RUFY1: variants seen among roughly 807,000 people sequenced by gnomAD.
RUFY1 encodes RUN and FYVE domain containing 1, also known as RUN and FYVE domain-containing protein 1.
Under a neutral mutation model 94.6 loss-of-function variants are expected in RUFY1, and 54 were observed. The observed-to-expected ratio is 0.57, with a 90% CI of 0.46 to 0.72. RUFY1 has a LOEUF of 0.72. RUFY1 is among the 30% of genes least tolerant of loss of function. The pLI is 0.00. For missense variants in RUFY1, 883 were observed against 883.9 expected (o/e 1.00, Z 0.01); for synonymous variants, 396 against 347.3 (o/e 1.14, Z -1.56).
At chr5:179,577,515 G>A (rs970898570) in intron 6 of RUFY1, among the ~76,000 whole-genome samples, 3 of 150,982 alleles carry the variant, frequency 2.0e-5, no homozygotes, top group South Asian at 2.1e-4. Context: ...TGGGGCTAGC[G>A]GAGGGCCGGG....
At chr5:179,580,721 A>C (rs1222010620) in intron 6 of RUFY1, among the ~76,000 whole-genome samples, 1 of 151,958 alleles carries the variant, frequency 6.6e-6, no homozygotes, top group Non-Finnish European at 1.5e-5. Context: ...CTTGGTCTGC[A>C]GGGAGCCCAC....
At chr5:179,583,166 G>A (rs997529287) in intron 7 of RUFY1, among the ~76,000 whole-genome samples, 4 of 151,630 alleles carry the variant, frequency 2.6e-5, no homozygotes, top group Non-Finnish European at 4.4e-5. Flanking sequence ...AACCGGCATG[G>A]TGGCGGGCAT....
intron 5 of RUFY1, among the ~76,000 whole-genome samples, chr5:179,571,215 T>C (rs1392625371): frequency 6.6e-6 from 1 of 152,204 alleles, no homozygotes; most frequent in African/African-American, 2.4e-5. Context: ...ACAATACTAT[T>C]GCTGGGCACA....
At chr5:179,567,108 T>C (rs1357127912) in intron 3 of RUFY1, among the ~76,000 whole-genome samples, 1 of 152,160 alleles carries the variant, frequency 6.6e-6, no homozygotes, top group South Asian at 2.1e-4. Flanking sequence ...CCTAACCCCT[T>C]AGAGATTTTA....
chr5:179,567,452 G>A lies in RUFY1; in HGVS notation c.603-9G>A. The A allele has an allele frequency of 6.2e-7, 1 of 1,606,224 alleles. No individual in the cohort carries two copies. Among genetic ancestry groups the A allele is most frequent in the Non-Finnish European group, 8.5e-7 (1 of 1,173,028 alleles). On this transcript the variant is annotated splice_polypyrimidine_tract_variant and intron_variant, in intron 3 of 17. Coordinates refer to ENST00000319449, the MANE Select transcript of RUFY1 (RefSeq NM_025158.5). ...TGCCACAATAGTTGATTCTCTGTTT[G>A]AATTCTAGGACAGCTGTGGGAAGAG...
chr5:179,586,456 C>T (rs958719037), intron 8 of RUFY1: 7 of 456,322 alleles, frequency 1.5e-5, no homozygotes, highest in Non-Finnish European at 1.3e-5. Context: ...GGTGCTCAGC[C>T]CTTCTGAGGC....
At chr5:179,554,078 C>G (rs1225071875) in intron 1 of RUFY1, among the ~76,000 whole-genome samples, 1 of 152,202 alleles carries the variant, frequency 6.6e-6, no homozygotes, top group Non-Finnish European at 1.5e-5. Flanking sequence ...GACTCATTCT[C>G]TTTCCCCACT....
chr5:179,604,998 AAAAAAG>A (rs1359860819), intron 15 of RUFY1, among the ~76,000 whole-genome samples: 3 of 149,158 alleles, frequency 2.0e-5, no homozygotes, highest in South Asian at 2.1e-4. Context: ...AAAAAAAAGA[AAAAAAG>A]AAAAAGGCTC....
chr5:179,608,750 AC>A, intron 17 of RUFY1: 1 of 447,718 alleles, frequency 2.2e-6, no homozygotes, highest in Non-Finnish European at 2.9e-6. Flanking sequence ...AGATGGTGAA[AC>A]CCCATCATCT....
At chr5:179,555,535 C>G (rs1195984426) in intron 1 of RUFY1, 3 of 307,876 alleles carry the variant, frequency 9.7e-6, no homozygotes, top group Non-Finnish European at 2.0e-5. Context: ...AGCAGCACTT[C>G]CAGAGACAGC....
intron 6 of RUFY1, among the ~76,000 whole-genome samples, chr5:179,579,097 G>A (rs926388815): frequency 3.3e-5 from 5 of 152,072 alleles, no homozygotes; most frequent in African/African-American, 9.7e-5. Flanking sequence ...CCTTGGGATC[G>A]CGTTTGAATA....
chr5:179,603,865 C>G lies in RUFY1; in HGVS notation c.1856+1879C>G, dbSNP rs1206229353. 3 of 152,352 alleles carry G rather than the reference C, an allele frequency of 2.0e-5. No individual in the cohort carries two copies. The East Asian group carries it at 5.8e-4, about 29-fold the overall frequency. The allele number at this position is 152,352 out of a possible 1,614,324, so 9.4% of individuals were successfully genotyped here. On this transcript the variant is annotated intron_variant, in intron 15 of 17. Transcript: ENST00000319449. ...CTGAGGTCAGGAGTTCAAGACCAGC[C>G]TGACCAACGTGGAGAAACCCCATCT...
chr5:179,561,217 A>T (rs374323746), intron 2 of RUFY1, among the ~76,000 whole-genome samples: 18,064 of 107,244 alleles, frequency 0.17, 1,223 homozygotes, highest in South Asian at 0.28. Context: ...TCTCAAAAAT[A>T]AATAAATAAA....
chr5:179,596,484 A>G, intron 12 of RUFY1, 78 bp from the exon 13 acceptor site: 1 of 1,566,408 alleles, frequency 6.4e-7, no homozygotes, highest in Non-Finnish European at 8.8e-7. Flanking sequence ...AATTTTAAAA[A>G]TGAATTTCAG....
intron 5 of RUFY1, among the ~76,000 whole-genome samples, chr5:179,574,402 AT>A (rs1166341772): frequency 1.3e-5 from 2 of 152,226 alleles, no homozygotes; most frequent in African/African-American, 2.4e-5. Context: ...CTCAAAAAAA[AT>A]AAACATAAAA....
chr5:179,579,657 C>CTTTTTCTTTTT (rs1554118792), intron 6 of RUFY1, among the ~76,000 whole-genome samples: 6 of 50,548 alleles, frequency 1.2e-4, no homozygotes, highest in African/African-American at 1.8e-4. Context: ...TTTTCTTCTT[C>CTTTTTCTTTTT]TTTTTTTTTT....
At position 179,598,709 on chromosome 5, in the gene RUFY1, A is replaced by C; in HGVS notation, c.1649A>C (p.Glu550Ala). ...GAAAACAGCTCAAGCCTGGAGAAAG[A>C]ATTGAAATCAGAAAAAGAGCAAAGA... The part of the protein sequence containing the change: ...LHEQCSSLEK[E>A]LKSEKEQRQA... The change falls in exon 14 of 18, where the codon GAA becomes GCA. Residue 550 changes from glutamate (E) to alanine (A), a missense_variant. Transcript: ENST00000319449. 1.2e-6 allele frequency: 2 copies of C among 1,614,180 alleles called. No individual in the cohort carries two copies. The highest frequency in any genetic ancestry group is 1.7e-6 in the Non-Finnish European group (2 of 1,180,038).
intron 17 of RUFY1, among the ~76,000 whole-genome samples, chr5:179,608,888 G>A (rs543475148): frequency 3.4e-5 from 5 of 147,972 alleles, no homozygotes; most frequent in East Asian, 2.0e-4. Context: ...CCGAGATTGC[G>A]CCACTGCACC....
At chr5:179,604,243 T>TC (rs1257219685) in intron 15 of RUFY1, among the ~76,000 whole-genome samples, 4 of 152,244 alleles carry the variant, frequency 2.6e-5, no homozygotes, top group African/African-American at 9.6e-5. Context: ...TTGTGCTCTC[T>TC]CCCCTCTTCC....
Sources: gnomAD v4.1 joint callset for allele counts (sites outside exome capture counted in the v4.1 genomes callset) on GRCh38, gnomAD v4.1.1 for gene constraint, MANE v1.5 for transcripts, NCBI Gene and HGNC (gene_info 2026-07-23, HGNC 2026-07-21) for gene names.